Variants in CALM2 observed in about 807,000 individuals in gnomAD.
CALM2 encodes the protein calmodulin-2.
A neutral mutation model predicts 19.8 loss-of-function variants in CALM2; 2 were observed. That is an observed-to-expected ratio of 0.10 (90% CI 0.04 to 0.32). The LOEUF is 0.32. Ranked by LOEUF, CALM2 falls within the 10% of genes least tolerant of loss-of-function variation. The pLI, the probability that CALM2 is intolerant of heterozygous loss-of-function variation, is 1.00. For missense variants in CALM2, 38 were observed against 178.7 expected (o/e 0.21, Z 4.49); for synonymous variants, 51 against 52.1 (o/e 0.98, Z 0.09).
At chr2:47,162,235 T>G (rs1687183787) in intron 4 of CALM2, 51 bp downstream of exon 4, 2 of 883,324 alleles carry the variant, frequency 2.3e-6, no homozygotes, top group Non-Finnish European at 3.5e-6. Flanking sequence ...TAATGAGTCC[T>G]GGTATCTTCA....
Position 47,162,669 on chromosome 2 carries a change from G to T in CALM2, c.35-7C>A. ...GAAAAAGCTTCTTTGAATTCTGTTTGAAAGAAAGACCACAATCCAAATACA... is the reference window on the plus strand; with the variant it reads ...GAAAAAGCTTCTTTGAATTCTGTTTTAAAGAAAGACCACAATCCAAATACA... On this transcript the variant is annotated splice_polypyrimidine_tract_variant and splice_region_variant and intron_variant, in intron 2 of 5. Coordinates refer to ENST00000272298, the MANE Select transcript of CALM2 (RefSeq NM_001743.6). 6.3e-7 allele frequency: 1 copy of T among 1,585,080 alleles called. No homozygotes were observed. The highest frequency in any genetic ancestry group is 8.6e-7 in the Non-Finnish European group (1 of 1,164,416).
intron 2 of CALM2, among the ~76,000 whole-genome samples, chr2:47,165,083 CTCCA>C (rs1666420086): frequency 6.6e-6 from 1 of 152,212 alleles, no homozygotes; most frequent in South Asian, 2.1e-4. Flanking sequence ...AATTTCCTCT[CTCCA>C]AACAATCCAC....
At chr2:47,173,964 T>C (rs1666762252) in intron 1 of CALM2, 1 of 152,244 alleles carries the variant, frequency 6.6e-6, no homozygotes, top group Non-Finnish European at 1.5e-5. Flanking sequence ...AAGGCCTAAA[T>C]TCTAGCTGAA....
At position 47,164,336 on chromosome 2, in the gene CALM2, G is replaced by A. The variant is rs1282507306; in HGVS notation, c.35-1674C>T. Reference sequence around the variant, plus strand: ...TGGCGGCGTGTGCCTGTAGTCCCCCGTCTCTACTAAAACACACACACACAC... The same window carrying A: ...TGGCGGCGTGTGCCTGTAGTCCCCCATCTCTACTAAAACACACACACACAC... On this transcript the variant is annotated intron_variant, in intron 2 of 5. Coordinates refer to ENST00000272298, the MANE Select transcript of CALM2 (RefSeq NM_001743.6). 6.3e-5 allele frequency among the ~76,000 whole-genome samples: 7 copies of A among 111,886 alleles called. No individual in the cohort carries two copies. The South Asian group carries it at 8.9e-4, about 14-fold the overall frequency. The allele number at this position is 111,886 out of a possible 152,430, so 73.4% of individuals were successfully genotyped here.
intron 2 of CALM2, chr2:47,163,712 C>A (rs151310760): frequency 0.048 from 7,244 of 152,242 alleles, 209 homozygotes; most frequent in Non-Finnish European, 0.069. Context: ...GATTACAGGG[C>A]ATGAGCCACT....
chr2:47,175,871 G>A (rs1046087448), intron 1 of CALM2, among the ~76,000 whole-genome samples: 4 of 147,832 alleles, frequency 2.7e-5, no homozygotes, highest in African/African-American at 9.8e-5. Flanking sequence ...CCCACACAGC[G>A]CGCCGCCCGC....
chr2:47,168,270 G>A (rs1666553330), intron 2 of CALM2, among the ~76,000 whole-genome samples: 2 of 152,112 alleles, frequency 1.3e-5, no homozygotes, highest in Admixed American at 1.3e-4. Context: ...GAAATCTGTG[G>A]TCTAGGAAAA....
chr2:47,165,526 T>C (rs72810432), intron 2 of CALM2, among the ~76,000 whole-genome samples: 3,222 of 152,320 alleles, frequency 0.021, 49 homozygotes, highest in Non-Finnish European at 0.032. Flanking sequence ...CAAAACTGCA[T>C]GGAAAAACTC....
intron 2 of CALM2, among the ~76,000 whole-genome samples, chr2:47,170,450 G>C (rs1295552863): frequency 6.6e-6 from 1 of 152,124 alleles, no homozygotes; most frequent in Non-Finnish European, 1.5e-5. Context: ...GTAGTCTTCA[G>C]AAAACAAAAC....
At chr2:47,175,471 C>T (rs1241106379) in intron 1 of CALM2, among the ~76,000 whole-genome samples, 1 of 152,200 alleles carries the variant, frequency 6.6e-6, no homozygotes, top group Non-Finnish European at 1.5e-5. Flanking sequence ...TTGTAGAACC[C>T]TAGCTGGAGC....
Position 47,175,336 on chromosome 2 carries a change from C to T in CALM2, c.3+1105G>A, listed in dbSNP as rs111756065. Among the ~76,000 whole-genome samples the T allele has an allele frequency of 4.9e-3, 743 of 152,154 alleles. 4 individuals are homozygous for T. Among genetic ancestry groups the T allele is most frequent in the African/African-American group, 0.017 (697 of 41,514 alleles). On this transcript the variant is annotated intron_variant, in intron 1 of 5. Transcript: ENST00000272298. ...GGTTCTTGAACATTAGGACTGCACG[C>T]TGTTTTCAAGCATAGAATAGGGACA...
Position 47,162,619 on chromosome 2 carries a change from T to A in CALM2, c.78A>T (p.Gly26=), listed in dbSNP as rs781666473. The A allele has an allele frequency of 3.1e-6, 5 of 1,609,220 alleles. No individual in the cohort carries two copies. The South Asian group carries it at 5.6e-5, about 18-fold the overall frequency. The change falls in exon 3 of 6, where the codon GGA becomes GGT. Residue 26 remains glycine (G), a synonymous_variant. Transcript: ENST00000272298. ...AFSLFDKDGD[G]TITTKELGTV... is the part of the protein sequence containing the mutation. ...TTCCCAATTCCTTTGTTGTTATAGT[T>A]CCATCACCATCTTTGTCAAATAGTG...
intron 2 of CALM2, 124 bp downstream of exon 2, chr2:47,170,610 C>T (rs1490151638): frequency 3.8e-6 from 3 of 790,290 alleles, no homozygotes; most frequent in African/African-American, 1.7e-5. Flanking sequence ...TATATTATAC[C>T]CATATGTTAG....
chr2:47,176,445 C>G lies in CALM2; in HGVS notation c.-2G>C. ...GCAGCTCAGCGATGCACTCACCATG[C>G]TGCAAGCGCTACCGGTTTCCGAGAC... On this transcript the variant is annotated 5_prime_UTR_variant, in exon 1 of 6. Coordinates refer to ENST00000272298, the MANE Select transcript of CALM2 (RefSeq NM_001743.6). 2 of 1,613,662 alleles carry G rather than the reference C, an allele frequency of 1.2e-6. No homozygotes were observed. Among genetic ancestry groups the G allele is most frequent in the Non-Finnish European group, 1.7e-6 (2 of 1,179,994 alleles).
At position 47,162,676 on chromosome 2, in the gene CALM2, A is replaced by G. The variant is rs1687193279; in HGVS notation, c.35-14T>C. On this transcript the variant is annotated splice_polypyrimidine_tract_variant and intron_variant, in intron 2 of 5. Transcript: ENST00000272298. Reference sequence around the variant, plus strand: ...CTTCTTTGAATTCTGTTTGAAAGAAAGACCACAATCCAAATACACAGATTA... The same window carrying G: ...CTTCTTTGAATTCTGTTTGAAAGAAGGACCACAATCCAAATACACAGATTA... 3.2e-6 allele frequency: 5 copies of G among 1,578,142 alleles called. No homozygotes were observed. The highest frequency in any genetic ancestry group is 4.3e-6 in the Non-Finnish European group (5 of 1,158,668).
intron 2 of CALM2, among the ~76,000 whole-genome samples, chr2:47,164,577 AC>A (rs1435850376): frequency 6.6e-6 from 1 of 150,920 alleles, no homozygotes; most frequent in East Asian, 1.9e-4. Context: ...AGCTTGGGCA[AC>A]AGAGTGAGAC....
At chr2:47,162,238 T>G in intron 4 of CALM2, 48 bp downstream of exon 4, 1 of 954,330 alleles carries the variant, frequency 1.0e-6, no homozygotes, top group Non-Finnish European at 1.6e-6. Context: ...TGAGTCCTGG[T>G]ATCTTCATTT....
chr2:47,161,862 G>C lies in CALM2; in HGVS notation c.286-4C>G. Reference sequence around the variant, plus strand: ...CACTAATATAGCCATTGCCATCCTAGCAAAAAATTTAGTATAGTTTCTGAG... The same window carrying C: ...CACTAATATAGCCATTGCCATCCTACCAAAAAATTTAGTATAGTTTCTGAG... On this transcript the variant is annotated splice_polypyrimidine_tract_variant and splice_region_variant and intron_variant, in intron 4 of 5. Coordinates refer to ENST00000272298, the MANE Select transcript of CALM2 (RefSeq NM_001743.6). The C allele has an allele frequency of 6.2e-7, 1 of 1,600,656 alleles. No homozygotes were observed. The highest frequency in any genetic ancestry group is 8.5e-7 in the Non-Finnish European group (1 of 1,174,972).
intron 2 of CALM2, among the ~76,000 whole-genome samples, chr2:47,166,472 TAAC>T (rs958816812): frequency 2.2e-4 from 33 of 152,184 alleles, no homozygotes; most frequent in Non-Finnish European, 4.4e-5. Flanking sequence ...AAAAATCTAA[TAAC>T]ACTTAAAATG....
Sources: gnomAD v4.1 joint callset for allele counts (sites outside exome capture counted in the v4.1 genomes callset) on GRCh38, gnomAD v4.1.1 for gene constraint, MANE v1.5 for transcripts, NCBI Gene and HGNC (gene_info 2026-07-23, HGNC 2026-07-21) for gene names.